The following TIAM1 variants were observed in gnomAD, a reference collection of about 807,000 sequenced individuals.
TIAM1 encodes rho guanine nucleotide exchange factor TIAM1.
TIAM1 carries 65 observed loss-of-function variants against 163.5 expected under a neutral mutation model. The ratio of observed to expected loss-of-function variants is 0.40; its 90% CI spans 0.33 to 0.49. TIAM1 has a LOEUF of 0.49. TIAM1 is among the 20% of genes least tolerant of loss of function. The pLI is 0.77. For missense variants in TIAM1, 1,789 were observed against 2,044.7 expected (o/e 0.87, Z 2.41); for synonymous variants, 833 against 810.1 (o/e 1.03, Z -0.48).
rs1297852416 is a variant in TIAM1, at chr21:31,181,784, T to C, written c.2887+637A>G. ...TTTTTTTTTTTTTTTTTTTTTTTTT[T>C]TTTTTTTTTTTTTTTTTTTTTACGA... On this transcript the variant is annotated intron_variant, in intron 15 of 27. Coordinates refer to ENST00000541036, the MANE Select transcript of TIAM1 (RefSeq NM_001353694.2). 3.3e-4 allele frequency among the ~76,000 whole-genome samples: 28 copies of C among 84,078 alleles called. 1 individual carries two copies. In the East Asian group the frequency reaches 4.8e-3, roughly 14 times the overall value. The allele number at this position is 84,078 out of a possible 152,430, so 55.2% of individuals were successfully genotyped here.
At chr21:31,228,232 A>T (rs2088129349) in intron 6 of TIAM1, among the ~76,000 whole-genome samples, 2 of 107,636 alleles carry the variant, frequency 1.9e-5, no homozygotes, top group African/African-American at 8.4e-5. Context: ...AAAAAAAAAA[A>T]AAAAAAAAAA....
rs572412086 is a variant in TIAM1 at position 31,359,633 on chromosome 21, C to A, written c.-368-20211G>T. 9.2e-5 allele frequency among the ~76,000 whole-genome samples: 14 copies of A among 151,974 alleles called. No individual in the cohort carries two copies. In the East Asian group the frequency reaches 2.5e-3, roughly 27 times the overall value. On this transcript the variant is annotated intron_variant, in intron 2 of 28. Transcript: ENST00000286827. ...TGAAATCCTGTCTCTACTAAAAATACAAAAATTTAGCAGGGCATGGTGGCG... is the reference window on the plus strand; with the variant it reads ...TGAAATCCTGTCTCTACTAAAAATAAAAAAATTTAGCAGGGCATGGTGGCG...
chr21:31,393,505 T>A (rs1483776352), intron 2 of TIAM1, among the ~76,000 whole-genome samples: 1 of 152,190 alleles, frequency 6.6e-6, no homozygotes, highest in Non-Finnish European at 1.5e-5. Flanking sequence ...CAGAGCTGAA[T>A]GCAGTCACAT....
At chr21:31,125,543 T>C (rs58426213) in intron 26 of TIAM1, among the ~76,000 whole-genome samples, 1 of 152,334 alleles carries the variant, frequency 6.6e-6, no homozygotes, top group African/African-American at 2.4e-5. Flanking sequence ...ACACAAAACA[T>C]GGGTTTTGAG....
In TIAM1 at chr21:31,427,015, G is replaced by C. The variant is rs201169460; in HGVS notation, c.-369+36968C>G. Among the ~76,000 whole-genome samples, 13 of 152,132 alleles carry C rather than the reference G, an allele frequency of 8.5e-5. No individual in the cohort carries two copies. The East Asian group carries it at 2.5e-3, about 29-fold the overall frequency. ...ATCTCATTGCAGCCTCCAACTCCTG[G>C]GCTCAAGCAATCCTCCCACCTCAGC... is the stretch of plus-strand genomic sequence containing the variant. On this transcript the variant is annotated intron_variant, in intron 2 of 28. Transcript: ENST00000286827.
chr21:31,472,550 T>C (rs2045782498), intron 1 of TIAM1, among the ~76,000 whole-genome samples: 1 of 151,964 alleles, frequency 6.6e-6, no homozygotes, highest in Non-Finnish European at 1.5e-5. Flanking sequence ...ATAAAAATAG[T>C]GTCTGGTGTG....
chr21:31,201,697 C>T lies in TIAM1; in HGVS notation c.2493+1211G>A, dbSNP rs556450545. Among the ~76,000 whole-genome samples, 129 of 152,274 alleles carry T rather than the reference C, an allele frequency of 8.5e-4. 1 individual carries two copies. The highest frequency in any genetic ancestry group is 1.3e-3 in the Non-Finnish European group (91 of 68,022). On this transcript the variant is annotated intron_variant, in intron 12 of 27. Transcript: ENST00000541036. ...AGAATAATACTTGGGTTTAAATGTTCAGTTCCGCTTTCTGTGGTGAAACCC... is the reference window on the plus strand; with the variant it reads ...AGAATAATACTTGGGTTTAAATGTTTAGTTCCGCTTTCTGTGGTGAAACCC...
At chr21:31,265,957 T>TA in intron 4 of TIAM1, 53 bp downstream of exon 4, 1 of 1,580,116 alleles carries the variant, frequency 6.3e-7, no homozygotes, top group Non-Finnish European at 8.6e-7. Flanking sequence ...GTCATGCACT[T>TA]AAAGAGTCAT....
intron 25 of TIAM1, 107 bp from the exon 26 acceptor site, chr21:31,127,259 A>G (rs2833286): frequency 0.063 from 59,160 of 942,156 alleles, 2,095 homozygotes; most frequent in East Asian, 0.096. Flanking sequence ...AATGCAGAAC[A>G]CTGTATAAGA....
chr21:31,143,609 A>C (rs1385299579), intron 20 of TIAM1, among the ~76,000 whole-genome samples: 2 of 152,008 alleles, frequency 1.3e-5, no homozygotes, highest in African/African-American at 4.8e-5. Flanking sequence ...GAAAGTTTAA[A>C]ATATATAAAC....
At chr21:31,492,420 T>C (rs1484925460) in intron 1 of TIAM1, among the ~76,000 whole-genome samples, 1 of 152,186 alleles carries the variant, frequency 6.6e-6, no homozygotes, top group African/African-American at 2.4e-5. Flanking sequence ...TCCACCACAC[T>C]GTTTATGTAA....
At chr21:31,165,839 A>AATCCTGC (rs982927469) in intron 15 of TIAM1, among the ~76,000 whole-genome samples, 20 of 152,346 alleles carry the variant, frequency 1.3e-4, no homozygotes, top group Non-Finnish European at 2.8e-4. Context: ...TTACCTGAAA[A>AATCCTGC]ATCCTGCAAC....
chr21:31,240,938 A>T (rs1050897061), intron 6 of TIAM1, among the ~76,000 whole-genome samples: 2 of 152,126 alleles, frequency 1.3e-5, no homozygotes, highest in African/African-American at 4.8e-5. Context: ...CGTGGAAGGG[A>T]CCCAGTGGTA....
intron 2 of TIAM1, among the ~76,000 whole-genome samples, chr21:31,421,989 C>CTA (rs2147260691): frequency 6.6e-6 from 1 of 152,052 alleles, no homozygotes; most frequent in East Asian, 1.9e-4. Flanking sequence ...AACAAGAGTT[C>CTA]CATAGGCCTA....
At chr21:31,358,434 C>T (rs896661250) in intron 2 of TIAM1, among the ~76,000 whole-genome samples, 3 of 152,152 alleles carry the variant, frequency 2.0e-5, no homozygotes, top group African/African-American at 7.2e-5. Context: ...TAACAACTCC[C>T]AATGCATGTC....
chr21:31,360,850 AC>A (rs1403813929), intron 2 of TIAM1, among the ~76,000 whole-genome samples: 4 of 152,218 alleles, frequency 2.6e-5, no homozygotes, highest in Non-Finnish European at 5.9e-5. Flanking sequence ...GTAAATTCAA[AC>A]CAGGAAATCC....
At chr21:31,164,385 A>T (rs8134901) in intron 16 of TIAM1, among the ~76,000 whole-genome samples, 1 of 148,580 alleles carries the variant, frequency 6.7e-6, no homozygotes, top group African/African-American at 2.5e-5. Context: ...GCGAGACTCC[A>T]TCTCAAAAAA....
At chr21:31,475,025 T>TTATTA (rs1555995982) in intron 1 of TIAM1, among the ~76,000 whole-genome samples, 14 of 118,714 alleles carry the variant, frequency 1.2e-4, no homozygotes, top group South Asian at 5.1e-4. Context: ...GAGCTAGTTT[T>TTATTA]TTATTATTAT....
At chr21:31,291,922 T>C (rs1222239412) in intron 2 of TIAM1, among the ~76,000 whole-genome samples, 1 of 152,188 alleles carries the variant, frequency 6.6e-6, no homozygotes, top group Non-Finnish European at 1.5e-5. Flanking sequence ...TTCCAGACTC[T>C]CCTTCTTCAG....
Sources: allele counts gnomAD v4.1 joint callset (sites outside exome capture counted in the v4.1 genomes callset), GRCh38; gene constraint gnomAD v4.1.1; transcripts MANE v1.5; gene names NCBI Gene and HGNC (gene_info 2026-07-23, HGNC 2026-07-21).